FAM234B: variants seen among roughly 807,000 people sequenced by gnomAD.
The protein encoded by FAM234B is protein FAM234B.
Under a neutral mutation model 69.3 loss-of-function variants are expected in FAM234B, and 33 were observed. The ratio of observed to expected loss-of-function variants is 0.48; its 90% CI spans 0.36 to 0.64. The LOEUF (loss-of-function observed/expected upper bound fraction) is 0.64, where lower values mean the gene tolerates loss of function less well. Ranked by LOEUF, FAM234B falls within the 30% of genes least tolerant of loss-of-function variation. FAM234B has a pLI of 0.00. For missense variants in FAM234B, 697 were observed against 769.7 expected, an observed-to-expected ratio of 0.91 and a Z score of 1.12; for synonymous variants, 306 against 306.9, an observed-to-expected ratio of 1.00 and a Z score of 0.03.
At chr12:13,045,831 C>CT (rs60209117) in intron 1 of FAM234B, among the ~76,000 whole-genome samples, 50 of 146,332 alleles carry the variant, frequency 3.4e-4, no homozygotes, top group Non-Finnish European at 4.1e-4. Context: ...AGCTTTATTT[C>CT]TTTTTTTTTT....
chr12:13,049,502 T>C (rs983672482), intron 1 of FAM234B, among the ~76,000 whole-genome samples: 4 of 152,218 alleles, frequency 2.6e-5, no homozygotes, highest in African/African-American at 7.2e-5. Context: ...TTAAAAGGGC[T>C]TGGAAGAGTG....
Position 13,079,750 on chromosome 12 carries a change from G to A in FAM234B, c.1643-39G>A, listed in dbSNP as rs146549037. 1.9e-4 allele frequency: 247 copies of A among 1,279,130 alleles called. 2 individuals carry two copies. In the East Asian group the frequency reaches 5.4e-3, roughly 28 times the overall value. 79.2% of individuals were successfully genotyped at this position (1,279,130 alleles called of 1,614,324 possible). On this transcript the variant is annotated intron_variant, in intron 11 of 12. Coordinates refer to ENST00000197268, the MANE Select transcript of FAM234B (RefSeq NM_020853.2). Reference sequence around the variant, plus strand: ...CCCCTCTCCTGTTAGTGGACGGTATGTGTCCATGTTAACTGCTCTTGTTTT... The same window carrying A: ...CCCCTCTCCTGTTAGTGGACGGTATATGTCCATGTTAACTGCTCTTGTTTT...
intron 5 of FAM234B, among the ~76,000 whole-genome samples, chr12:13,064,436 G>A (rs1865015586): frequency 6.6e-6 from 1 of 152,152 alleles, no homozygotes; most frequent in Admixed American, 6.5e-5. Flanking sequence ...TAGAAATCTT[G>A]GTCTAACCAT....
chr12:13,068,780 A>G, intron 9 of FAM234B, 69 bp downstream of exon 9: 1 of 991,804 alleles, frequency 1.0e-6, no homozygotes, highest in Non-Finnish European at 1.6e-6. Flanking sequence ...ACCCTGTGTT[A>G]GGCACAGCAG....
chr12:13,049,155 A>G (rs1281767982), intron 1 of FAM234B, among the ~76,000 whole-genome samples: 5 of 152,184 alleles, frequency 3.3e-5, no homozygotes, highest in African/African-American at 1.2e-4. Flanking sequence ...TGTCTACCTC[A>G]CATAGTTGTT....
chr12:13,053,590 G>A (rs1446839640), intron 1 of FAM234B, among the ~76,000 whole-genome samples: 2 of 152,152 alleles, frequency 1.3e-5, no homozygotes, highest in Non-Finnish European at 2.9e-5. Context: ...GGAACAGGGA[G>A]TAGGTCACAA....
At chr12:13,068,785 C>G in intron 9 of FAM234B, 74 bp downstream of exon 9, 1 of 954,228 alleles carries the variant, frequency 1.0e-6, no homozygotes, top group Non-Finnish European at 1.6e-6. Context: ...GTGTTAGGCA[C>G]AGCAGGGAAT....
intron 10 of FAM234B, among the ~76,000 whole-genome samples, chr12:13,071,816 G>T (rs1314817411): frequency 6.6e-6 from 1 of 152,186 alleles, no homozygotes; most frequent in Non-Finnish European, 1.5e-5. Flanking sequence ...AAGGAACGGG[G>T]ATGGGGGAGG....
At position 13,076,019 on chromosome 12, in the gene FAM234B, T is replaced by A; in HGVS notation, c.1525-7T>A. 6.2e-7 allele frequency: 1 copy of A among 1,603,608 alleles called. No homozygotes were observed. Among genetic ancestry groups the A allele is most frequent in the South Asian group, 1.1e-5 (1 of 90,834 alleles). On this transcript the variant is annotated splice_polypyrimidine_tract_variant and splice_region_variant and intron_variant, in intron 10 of 12. Transcript: ENST00000197268. Reference sequence around the variant, plus strand: ...CTTTGCTCTTCCTTTTTGCTGCTTATTATCAGGATATCATCCTAGGAACTG... The same window carrying A: ...CTTTGCTCTTCCTTTTTGCTGCTTAATATCAGGATATCATCCTAGGAACTG...
intron 1 of FAM234B, among the ~76,000 whole-genome samples, chr12:13,046,626 A>G (rs1864815949): frequency 6.6e-6 from 1 of 151,910 alleles, no homozygotes; most frequent in African/African-American, 2.4e-5. Flanking sequence ...ATGCCCAGCT[A>G]ATTTTGTATT....
intron 9 of FAM234B, 21 bp from the exon 10 acceptor site, chr12:13,071,220 T>TGTC: frequency 2.5e-6 from 4 of 1,613,122 alleles, no homozygotes; most frequent in Non-Finnish European, 3.4e-6. Flanking sequence ...CCATGTTTAC[T>TGTC]GTCTGTCTTC....
intron 6 of FAM234B, 64 bp downstream of exon 6, chr12:13,066,851 T>C: frequency 6.5e-7 from 1 of 1,542,752 alleles, no homozygotes; most frequent in South Asian, 1.2e-5. Flanking sequence ...GCCTTCCTTG[T>C]GAGACAGGGT....
At chr12:13,066,896 T>A in intron 6 of FAM234B, 109 bp downstream of exon 6, 1 of 1,285,424 alleles carries the variant, frequency 7.8e-7, no homozygotes, top group South Asian at 1.4e-5. Flanking sequence ...AGCCTTCCCA[T>A]AGCCTTCTAA....
chr12:13,068,201 G>C (rs1191129929), intron 7 of FAM234B, 103 bp from the exon 8 acceptor site: 8 of 1,096,278 alleles, frequency 7.3e-6, no homozygotes, highest in Middle Eastern at 2.0e-4. Flanking sequence ...ATGAATACAA[G>C]AGTGTGTACA....
intron 4 of FAM234B, chr12:13,062,594 C>T (rs773498309): frequency 1.1e-5 from 4 of 354,776 alleles, no homozygotes; most frequent in African/African-American, 2.1e-5. Flanking sequence ...GATTTAGCAC[C>T]TCCATTTTAT....
At chr12:13,065,328 C>G (rs1865025783) in intron 5 of FAM234B, among the ~76,000 whole-genome samples, 1 of 152,180 alleles carries the variant, frequency 6.6e-6, no homozygotes, top group Admixed American at 6.5e-5. Context: ...GAAGTCCAAA[C>G]CCCTCTTTTT....
intron 5 of FAM234B, among the ~76,000 whole-genome samples, chr12:13,064,061 G>A (rs1205004495): frequency 6.6e-6 from 1 of 152,174 alleles, no homozygotes; most frequent in Admixed American, 6.5e-5. Context: ...ACTTAAGAGT[G>A]CCCCATCAGT....
Position 13,067,097 on chromosome 12 carries a change from A to G in FAM234B, c.1001-58A>G. The G allele has an allele frequency of 6.3e-7, 1 of 1,600,000 alleles. No individual in the cohort carries two copies. The highest frequency in any genetic ancestry group is 8.6e-7 in the Non-Finnish European group (1 of 1,169,238). On this transcript the variant is annotated intron_variant, in intron 6 of 12. Coordinates refer to ENST00000197268, the MANE Select transcript of FAM234B (RefSeq NM_020853.2). This position sits in a 1 kb window ranked among gnomAD's most constrained non-coding sequence, Gnocchi z 4.7. ...CTCTGTGTCTCTTGCTCAGATCCTCACCATGGGACAGTTCTGTTAAATTCA... is the reference window on the plus strand; with the variant it reads ...CTCTGTGTCTCTTGCTCAGATCCTCGCCATGGGACAGTTCTGTTAAATTCA...
chr12:13,052,671 C>T (rs1864887793), intron 1 of FAM234B, among the ~76,000 whole-genome samples: 1 of 152,184 alleles, frequency 6.6e-6, no homozygotes, highest in Non-Finnish European at 1.5e-5. Flanking sequence ...AGATAACTCA[C>T]ATAAGTGGAA....
Sources: gnomAD v4.1 joint callset for allele counts (sites outside exome capture counted in the v4.1 genomes callset) on GRCh38, gnomAD v4.1.1 for gene constraint, Gnocchi (gnomAD v3.1) non-coding constraint, MANE v1.5 for transcripts, NCBI Gene and HGNC (gene_info 2026-07-23, HGNC 2026-07-21) for gene names.